Variants in PCDH9 observed in about 807,000 individuals in gnomAD.
The protein encoded by PCDH9 is protocadherin 9.
Under a neutral mutation model 70.6 loss-of-function variants are expected in PCDH9, and 24 were observed. That is an observed-to-expected ratio of 0.34 (90% CI 0.25 to 0.48). PCDH9 has a LOEUF of 0.48. Ranked by LOEUF, PCDH9 falls within the 20% of genes least tolerant of loss-of-function variation. The pLI is 0.99. For synonymous variants in PCDH9, 562 were observed against 558.5 expected (o/e 1.01, Z -0.09); for missense variants, 1,281 against 1,503.6 (o/e 0.85, Z 2.45).
At position 66,754,285 on chromosome 13, in the gene PCDH9, G is replaced by T. The variant is rs562695124; in HGVS notation, c.3139-122874C>A. ...GGGAAATACCTAATGTAGATGATGG[G>T]TTGATGGGTGCAGCAAACCACCATG... On this transcript the variant is annotated intron_variant, in intron 3 of 4. Coordinates refer to ENST00000377865, the MANE Select transcript of PCDH9 (RefSeq NM_203487.3). Among the ~76,000 whole-genome samples the T allele has an allele frequency of 3.3e-5, 5 of 152,156 alleles. No individual in the cohort carries two copies. The South Asian group carries it at 6.2e-4, about 19-fold the overall frequency.
At chr13:66,833,480 T>C (rs929942748) in intron 3 of PCDH9, among the ~76,000 whole-genome samples, 4 of 152,190 alleles carry the variant, frequency 2.6e-5, no homozygotes, top group Admixed American at 2.6e-4. Context: ...TGTACGTCTC[T>C]GGTACATAAC....
intron 3 of PCDH9, among the ~76,000 whole-genome samples, chr13:66,795,680 A>G (rs909638420): frequency 1.3e-5 from 2 of 152,138 alleles, no homozygotes; most frequent in Admixed American, 6.6e-5. Context: ...TGTTCTGTTT[A>G]CTCATTGCCA....
At chr13:66,611,655 T>C (rs2077294982) in intron 4 of PCDH9, among the ~76,000 whole-genome samples, 3 of 152,208 alleles carry the variant, frequency 2.0e-5, no homozygotes. Context: ...ACTAAAGGAA[T>C]ACTTATCTTT....
At chr13:66,999,777 A>T (rs1319819659) in intron 2 of PCDH9, among the ~76,000 whole-genome samples, 1 of 152,158 alleles carries the variant, frequency 6.6e-6, no homozygotes, top group Admixed American at 6.5e-5. Flanking sequence ...TCAAAACCAC[A>T]ATGAGATACC....
intron 4 of PCDH9, among the ~76,000 whole-genome samples, chr13:66,619,986 A>T (rs1305058999): frequency 1.3e-5 from 2 of 152,172 alleles, no homozygotes; most frequent in African/African-American, 4.8e-5. Context: ...AGTTCCAAAT[A>T]ATCTTGCCCA....
intron 3 of PCDH9, chr13:66,825,177 C>A (rs1425556999): frequency 6.6e-6 from 1 of 150,852 alleles, no homozygotes; most frequent in Non-Finnish European, 1.5e-5. Context: ...ACTGAATGAC[C>A]ACAGGAAAAA....
intron 2 of PCDH9, among the ~76,000 whole-genome samples, chr13:66,972,347 A>G (rs2083539164): frequency 6.6e-6 from 1 of 151,966 alleles, no homozygotes; most frequent in Non-Finnish European, 1.5e-5. Flanking sequence ...GAAGAGGAGG[A>G]TGAGACAATT....
At chr13:66,810,393 T>C (rs981677639) in intron 3 of PCDH9, among the ~76,000 whole-genome samples, 1 of 152,042 alleles carries the variant, frequency 6.6e-6, no homozygotes, top group African/African-American at 2.4e-5. Context: ...AATTCAGCCA[T>C]CTCATTTATT....
intron 2 of PCDH9, among the ~76,000 whole-genome samples, chr13:67,155,820 A>T (rs1253944307): frequency 2.6e-5 from 4 of 152,048 alleles, no homozygotes; most frequent in Non-Finnish European, 5.9e-5. Flanking sequence ...TGGCAATCTC[A>T]TCTGGCTTTT....
rs191190217 is a variant in PCDH9, at chr13:66,812,245, C to T, written c.3138+91259G>A. Among the ~76,000 whole-genome samples the T allele has an allele frequency of 5.1e-3, 778 of 152,068 alleles. 11 individuals carry two copies. Among genetic ancestry groups the T allele is most frequent in the African/African-American group, 0.018 (745 of 41,500 alleles). Reference sequence around the variant, plus strand: ...GAAAAGGCAGTGCCAAAATATATAACGTGACAACCTATAAAACATGGGAAT... The same window carrying T: ...GAAAAGGCAGTGCCAAAATATATAATGTGACAACCTATAAAACATGGGAAT... On this transcript the variant is annotated intron_variant, in intron 3 of 4. Coordinates refer to ENST00000377865, the MANE Select transcript of PCDH9 (RefSeq NM_203487.3).
chr13:67,169,140 T>A (rs1428626394), intron 2 of PCDH9, among the ~76,000 whole-genome samples: 1 of 152,206 alleles, frequency 6.6e-6, no homozygotes, highest in Non-Finnish European at 1.5e-5. Context: ...GTGTTTGTTT[T>A]CCCTGTGAAT....
At chr13:66,810,190 A>G (rs930419086) in intron 3 of PCDH9, among the ~76,000 whole-genome samples, 6 of 152,126 alleles carry the variant, frequency 3.9e-5, no homozygotes, top group African/African-American at 1.4e-4. Flanking sequence ...ACTTAAAAAT[A>G]CTTTTAAGCA....
At chr13:66,998,810 C>T (rs955454747) in intron 2 of PCDH9, among the ~76,000 whole-genome samples, 1 of 152,130 alleles carries the variant, frequency 6.6e-6, no homozygotes, top group East Asian at 1.9e-4. Context: ...TTCTTCTTTC[C>T]TTTATTCCTT....
chr13:66,834,938 C>T (rs1423754099), intron 3 of PCDH9, among the ~76,000 whole-genome samples: 1 of 152,188 alleles, frequency 6.6e-6, no homozygotes, highest in Non-Finnish European at 1.5e-5. Context: ...AAGTTGAGGT[C>T]AGAAAATATC....
At chr13:66,355,176 G>GTT (rs905587966) in intron 4 of PCDH9, among the ~76,000 whole-genome samples, 1 of 148,616 alleles carries the variant, frequency 6.7e-6, no homozygotes, top group Non-Finnish European at 1.5e-5. Flanking sequence ...AGTAGATACT[G>GTT]TTTTTTTTTT....
chr13:66,461,340 C>T (rs1958420775), intron 4 of PCDH9, among the ~76,000 whole-genome samples: 1 of 151,506 alleles, frequency 6.6e-6, no homozygotes, highest in Non-Finnish European at 1.5e-5. Context: ...TCTTCAAGTT[C>T]CTCTGGGACA....
intron 2 of PCDH9, among the ~76,000 whole-genome samples, chr13:67,174,894 G>A (rs981261178): frequency 1.3e-5 from 2 of 150,988 alleles, no homozygotes; most frequent in Non-Finnish European, 2.9e-5. Flanking sequence ...CATTTTGGGA[G>A]GCTGAGGCTG....
chr13:66,710,620 G>T (rs996182392), intron 3 of PCDH9, among the ~76,000 whole-genome samples: 4 of 152,048 alleles, frequency 2.6e-5, no homozygotes, highest in Non-Finnish European at 2.9e-5. Flanking sequence ...CTACAAACTT[G>T]CAACTTGTAA....
intron 4 of PCDH9, among the ~76,000 whole-genome samples, chr13:66,467,370 G>A (rs1021244319): frequency 1.8e-4 from 27 of 152,102 alleles, no homozygotes; most frequent in South Asian, 4.1e-4. Context: ...CTTGGAGAAA[G>A]CCTCCATGCA....
Sources: allele counts gnomAD v4.1 joint callset (sites outside exome capture counted in the v4.1 genomes callset), GRCh38; gene constraint gnomAD v4.1.1; transcripts MANE v1.5; gene names NCBI Gene and HGNC (gene_info 2026-07-23, HGNC 2026-07-21).